Variants in LCN15 observed in about 807,000 individuals in gnomAD.
LCN15 encodes lipocalin-15.
Under a neutral mutation model 23.1 loss-of-function variants are expected in LCN15, and 26 were observed. That is an observed-to-expected ratio of 1.13 (90% confidence interval 0.82 to 1.56). The LOEUF is 1.56. Ranked by LOEUF, LCN15 falls within the 40% of genes most tolerant of loss-of-function variation. The probability of loss-of-function intolerance (pLI) is 0.00; values close to 1 mark genes in which losing one functional copy is unlikely to be tolerated. For synonymous variants in LCN15, 107 were observed against 98.3 expected (o/e 1.09, Z -0.52); for missense variants, 241 against 239.5 (o/e 1.01, Z -0.04).
chr9:136,763,373 G>C lies in LCN15; in HGVS notation c.402C>G (p.Thr134=), dbSNP rs1335393160. The C allele has an allele frequency of 3.8e-6, 6 of 1,589,126 alleles. No homozygotes were observed. The South Asian group carries it at 5.7e-5, about 15-fold the overall frequency. Residue 134 remains threonine (T), a synonymous_variant, in exon 4 of 7, where the codon ACC becomes ACG. Transcript: ENST00000316144. ...IYKELEGALS[T]MVQLYSRTQD... is the part of the protein sequence containing the mutation. ...GGCACTCACTGTAGAGCTGCACCAT[G>C]GTGCTGAGGGCCCCCTCCAGCTCCT...
Position 136,763,541 on chromosome 9 carries a change from C to T in LCN15, c.308-74G>A, listed in dbSNP as rs538328588. On this transcript the variant is annotated intron_variant, in intron 3 of 6. Coordinates refer to ENST00000316144, the MANE Select transcript of LCN15 (RefSeq NM_203347.2). ...GGGCACCGACCCCACCCATGCCTGCCCCTGCTGCTGGGCTGTGAGCCTGTT... is the reference window on the plus strand; with the variant it reads ...GGGCACCGACCCCACCCATGCCTGCTCCTGCTGCTGGGCTGTGAGCCTGTT... 1.2e-5 allele frequency: 15 copies of T among 1,271,226 alleles called. 1 individual carries two copies. The South Asian group carries it at 1.9e-4, about 16-fold the overall frequency. 78.7% of individuals were successfully genotyped at this position (1,271,226 alleles called of 1,614,324 possible).
intron 6 of LCN15, among the ~76,000 whole-genome samples, chr9:136,760,633 C>T (rs10124130): frequency 0.021 from 3,147 of 152,312 alleles, 104 homozygotes; most frequent in African/African-American, 0.068. Context: ...GGTCTCCCGG[C>T]GTCTGGTTTA....
Position 136,762,175 on chromosome 9 carries a change from C to T in LCN15, c.520+13G>A. On this transcript the variant is annotated intron_variant, in intron 5 of 6. Coordinates refer to ENST00000316144, the MANE Select transcript of LCN15 (RefSeq NM_203347.2). Reference sequence around the variant, plus strand: ...GCTGGGGGGCATGGGGTGGGCGGGGCTTGCCAGGGTACCTGACTGGGGCAG... The same window carrying T: ...GCTGGGGGGCATGGGGTGGGCGGGGTTTGCCAGGGTACCTGACTGGGGCAG... 1 of 1,518,900 alleles carries T rather than the reference C, an allele frequency of 6.6e-7. No homozygotes were observed. The highest frequency in any genetic ancestry group is 1.2e-5 in the South Asian group (1 of 82,520). The allele number at this position is 1,518,900 out of a possible 1,614,324, so 94.1% of individuals were successfully genotyped here.
chr9:136,763,567 C>A (rs1218475717), intron 3 of LCN15, 100 bp from the exon 4 acceptor site: 3 of 1,241,118 alleles, frequency 2.4e-6, no homozygotes, highest in African/African-American at 3.0e-5. Flanking sequence ...TGAGCCTGTT[C>A]CCCGAAGACA....
chr9:136,763,883 T>C lies in LCN15; in HGVS notation c.223A>G (p.Met75Val), dbSNP rs748490147. ...CAAGTAACTCACCCCGGGAACTCCA[T>C]GTGGACGTGGAGGCCGCCCTCCTCT... ...PTEEGGLHVHMEFPGADGCNQ... is the reference protein window; with the variant it reads ...PTEEGGLHVHVEFPGADGCNQ... The change falls in exon 2 of 7, where the codon ATG becomes GTG. Residue 75 changes from methionine (M) to valine (V), a missense_variant. By Grantham distance (21) the Met-to-Val change is conservative. Coordinates refer to ENST00000316144, the MANE Select transcript of LCN15 (RefSeq NM_203347.2). The C allele has an allele frequency of 1.2e-6, 2 of 1,613,566 alleles. No homozygotes were observed. The highest frequency in any genetic ancestry group is 1.1e-5 in the South Asian group (1 of 91,078).
Position 136,761,682 on chromosome 9 carries a change from G to A in LCN15, c.*32+105C>T. On this transcript the variant is annotated intron_variant, in intron 6 of 6. Transcript: ENST00000316144. The surrounding 1 kb of genome is among the most constrained non-coding windows in gnomAD (Gnocchi z 4.2). Reference sequence around the variant, plus strand: ...TGAGGCCTGAAGCATGGGGTCGCCAGGCAGAACAGCGGGGCAGGCATGGGG... The same window carrying A: ...TGAGGCCTGAAGCATGGGGTCGCCAAGCAGAACAGCGGGGCAGGCATGGGG... 1 of 484,750 alleles carries A rather than the reference G, an allele frequency of 2.1e-6. No homozygotes were observed. 30.0% of individuals were successfully genotyped at this position (484,750 alleles called of 1,614,324 possible). A position where few individuals can be genotyped will look rare whatever the true frequency, so the allele number is the denominator to read the frequency against.
At position 136,762,298 on chromosome 9, in the gene LCN15, A is replaced by G; in HGVS notation, c.419-9T>C. ...CACATCCTGGGTCCGGCCTGGGCAG[A>G]GCAGAGGTCACTGTGAACTCAGCAG... On this transcript the variant is annotated splice_polypyrimidine_tract_variant and intron_variant, in intron 4 of 6. Coordinates refer to ENST00000316144, the MANE Select transcript of LCN15 (RefSeq NM_203347.2). 1 of 1,508,182 alleles carries G rather than the reference A, an allele frequency of 6.6e-7. No homozygotes were observed. The highest frequency in any genetic ancestry group is 9.1e-7 in the Non-Finnish European group (1 of 1,097,728). 93.4% of individuals were successfully genotyped at this position (1,508,182 alleles called of 1,614,324 possible). A position where few individuals can be genotyped will look rare whatever the true frequency, so the allele number is the denominator to read the frequency against.
chr9:136,763,096 C>G (rs112689111), intron 4 of LCN15, among the ~76,000 whole-genome samples: 6 of 151,734 alleles, frequency 4.0e-5, no homozygotes, highest in Admixed American at 2.6e-4. Flanking sequence ...GCTCCCACCC[C>G]ACCCGGTCCT....
intron 3 of LCN15, 55 bp from the exon 4 acceptor site, chr9:136,763,522 C>T (rs1847345532): frequency 7.4e-7 from 1 of 1,346,856 alleles, no homozygotes; most frequent in Non-Finnish European, 1.0e-6. Flanking sequence ...GCCCGGGCAC[C>T]GACCCCACCC....
At chr9:136,762,418 G>C (rs984444456) in intron 4 of LCN15, 129 bp from the exon 5 acceptor site, 3 of 651,958 alleles carry the variant, frequency 4.6e-6, no homozygotes, top group Non-Finnish European at 8.2e-6. Flanking sequence ...GGTTGTGCGC[G>C]GCATAAAGCT....
intron 4 of LCN15, 139 bp downstream of exon 4, chr9:136,763,217 CG>C (rs530577183): frequency 1.1e-5 from 6 of 527,872 alleles, no homozygotes; most frequent in South Asian, 9.2e-5. Context: ...GCCTAAAAGG[CG>C]GGGGGCGGAG....
chr9:136,762,382 G>T, intron 4 of LCN15, 93 bp from the exon 5 acceptor site: 1 of 747,300 alleles, frequency 1.3e-6, no homozygotes, highest in Non-Finnish European at 2.3e-6. Flanking sequence ...AGGGCTGACA[G>T]CAAGGCCGCC....
At chr9:136,764,192 C>A in intron 1 of LCN15, 183 bp from the exon 2 acceptor site, 1 of 825,194 alleles carries the variant, frequency 1.2e-6, no homozygotes, top group Non-Finnish European at 1.9e-6. Flanking sequence ...CAACTGTGAG[C>A]CTCAGTTCCC....
rs758078770 is a variant in LCN15, at chr9:136,763,914, C to T, written c.192G>A (p.Arg64=). 3.6e-5 allele frequency: 58 copies of T among 1,613,564 alleles called. No individual in the cohort carries two copies. The Admixed American group carries it at 9.7e-4, about 27-fold the overall frequency. The stretch of plus-strand genomic sequence containing the variant: ...CGTGGAGGCCGCCCTCCTCTGTGGG[C>T]CTGATGGCCCTGGTGGACATGGACA... ...DHLSMSTRAI[R]PTEEGGLHVH... Residue 64 remains arginine (R), a synonymous_variant, in exon 2 of 7, where the codon AGG becomes AGA. Coordinates refer to ENST00000316144, the MANE Select transcript of LCN15 (RefSeq NM_203347.2).
At chr9:136,763,570 C>A in intron 3 of LCN15, 103 bp from the exon 4 acceptor site, 1 of 1,234,256 alleles carries the variant, frequency 8.1e-7, no homozygotes, top group Non-Finnish European at 1.1e-6. Flanking sequence ...GCCTGTTCCC[C>A]GAAGACAGAG....
rs548598533 is a variant in LCN15 at position 136,763,012 on chromosome 9, G to A, written c.418+345C>T. Among the ~76,000 whole-genome samples the A allele has an allele frequency of 4.9e-4, 73 of 150,392 alleles. 1 individual carries two copies. In the South Asian group the frequency reaches 0.015, roughly 32 times the overall value. On this transcript the variant is annotated intron_variant, in intron 4 of 6. Transcript: ENST00000316144. Reference sequence around the variant, plus strand: ...GAAGGGCGGGGCACCACTCTCAGGAGGCCAGAGAGGAGCATGCACCGCGGG... The same window carrying A: ...GAAGGGCGGGGCACCACTCTCAGGAAGCCAGAGAGGAGCATGCACCGCGGG...
chr9:136,763,600 C>A, intron 3 of LCN15, 113 bp downstream of exon 3: 1 of 1,295,280 alleles, frequency 7.7e-7, no homozygotes, highest in South Asian at 1.4e-5. Flanking sequence ...GGAGGGCGGG[C>A]AGGGGGCTGG....
At position 136,761,987 on chromosome 9, in the gene LCN15, C is replaced by A. The variant is rs1847322903; in HGVS notation, c.521-134G>T. On this transcript the variant is annotated intron_variant, in intron 5 of 6. Coordinates refer to ENST00000316144, the MANE Select transcript of LCN15 (RefSeq NM_203347.2). This position sits in a 1 kb window ranked among gnomAD's most constrained non-coding sequence, Gnocchi z 4.2. The stretch of plus-strand genomic sequence containing the variant: ...AGAGAGTGGAGCCCAGAGCTTCCCT[C>A]CCAGCGCTGCCCAAAGCCTCTCCCG... 2 of 814,516 alleles carry A rather than the reference C, an allele frequency of 2.5e-6. No individual in the cohort carries two copies. Among genetic ancestry groups the A allele is most frequent in the Non-Finnish European group, 3.6e-6 (2 of 555,198 alleles). 50.5% of individuals were successfully genotyped at this position (814,516 alleles called of 1,614,324 possible).
At chr9:136,764,287 G>A (rs1847355439) in intron 1 of LCN15, 106 bp downstream of exon 1, 10 of 1,156,550 alleles carry the variant, frequency 8.6e-6, no homozygotes, top group South Asian at 2.9e-5. Context: ...GTGCCTGGCC[G>A]GGCACAGAGC....
Sources: gnomAD v4.1 joint callset for allele counts (sites outside exome capture counted in the v4.1 genomes callset) on GRCh38, gnomAD v4.1.1 for gene constraint, Gnocchi (gnomAD v3.1) non-coding constraint, MANE v1.5 for transcripts, NCBI Gene and HGNC (gene_info 2026-07-23, HGNC 2026-07-21) for gene names.